CDK17: variants seen among roughly 807,000 people sequenced by gnomAD.
CDK17 encodes the protein cyclin dependent kinase 17, also known as cyclin-dependent kinase 17.
In CDK17, 24 loss-of-function variants were observed where a neutral mutation model predicts 77.6. The ratio of observed to expected loss-of-function variants is 0.31; its 90% confidence interval spans 0.22 to 0.44. The LOEUF is 0.44. Among genes scored for constraint, CDK17 ranks in the 20% least tolerant of loss-of-function variants. The probability of loss-of-function intolerance (pLI) is 1.00; values close to 1 mark genes in which losing one functional copy is unlikely to be tolerated. For synonymous variants in CDK17, 203 were observed against 210.4 expected (o/e 0.96, Z 0.30); for missense variants, 429 against 622.5 (o/e 0.69, Z 3.31).
chr12:96,355,855 T>C (rs144796329), intron 1 of CDK17, among the ~76,000 whole-genome samples: 16 of 152,326 alleles, frequency 1.1e-4, no homozygotes, highest in African/African-American at 3.8e-4. Flanking sequence ...AATGAAGGAA[T>C]GATAGCAAAT....
At chr12:96,306,883 TC>T (rs1242888056) in intron 5 of CDK17, among the ~76,000 whole-genome samples, 2 of 152,178 alleles carry the variant, frequency 1.3e-5, no homozygotes, top group African/African-American at 4.8e-5. Context: ...TTAATGTATT[TC>T]CAAAAAGTAT....
intron 13 of CDK17, 71 bp downstream of exon 13, chr12:96,285,972 T>C: frequency 2.6e-6 from 2 of 757,382 alleles, no homozygotes; most frequent in South Asian, 1.5e-5. Flanking sequence ...GAATCCTTAC[T>C]GTGGCTAATC....
chr12:96,317,909 C>A (rs1184811551), intron 3 of CDK17, among the ~76,000 whole-genome samples: 3 of 148,796 alleles, frequency 2.0e-5, no homozygotes, highest in Admixed American at 6.7e-5. Flanking sequence ...AAAATCACCA[C>A]CTAACATCAT....
At chr12:96,311,014 C>A (rs1435529689) in intron 5 of CDK17, 38 bp downstream of exon 5, 62 of 1,563,066 alleles carry the variant, frequency 4.0e-5, no homozygotes, top group Non-Finnish European at 5.2e-5. Flanking sequence ...ACAAGCAGAT[C>A]TGATTGATGG....
intron 5 of CDK17, among the ~76,000 whole-genome samples, chr12:96,308,731 A>AAATT (rs1366967712): frequency 2.0e-4 from 27 of 132,572 alleles, no homozygotes; most frequent in African/African-American, 7.1e-4. Flanking sequence ...CCGTCTCCAA[A>AAATT]AATAATAATA....
intron 11 of CDK17, among the ~76,000 whole-genome samples, chr12:96,288,695 G>A (rs758495500): frequency 2.6e-5 from 4 of 152,172 alleles, no homozygotes; most frequent in African/African-American, 4.8e-5. Context: ...TGTCAGGATC[G>A]AAGCGGTGTG....
chr12:96,384,567 T>C (rs922020540), intron 1 of CDK17, among the ~76,000 whole-genome samples: 4 of 152,220 alleles, frequency 2.6e-5, no homozygotes, highest in African/African-American at 7.2e-5. Flanking sequence ...CATGGAGTAC[T>C]GTATAGCCAT....
intron 3 of CDK17, among the ~76,000 whole-genome samples, chr12:96,317,505 C>T (rs1447527917): frequency 9.2e-6 from 1 of 108,860 alleles, no homozygotes. Flanking sequence ...GTCAGATTCA[C>T]CAAAGTTGAA....
chr12:96,329,110 T>C (rs1952932606), intron 2 of CDK17, among the ~76,000 whole-genome samples: 1 of 151,990 alleles, frequency 6.6e-6, no homozygotes, highest in African/African-American at 2.4e-5. Flanking sequence ...TCATAGACAG[T>C]AGAATGGTGG....
rs1199789275 is a variant in CDK17, at chr12:96,400,082, G to A, written c.-126C>T. ...CCCGCGGCGACCGGATGCAAGTCCGGGTCTCAGCGGCCGGCAGACGTGAGG... is the reference window on the plus strand; with the variant it reads ...CCCGCGGCGACCGGATGCAAGTCCGAGTCTCAGCGGCCGGCAGACGTGAGG... On this transcript the variant is annotated 5_prime_UTR_variant, in exon 1 of 17. Transcript: ENST00000261211. 7.7e-6 allele frequency: 3 copies of A among 390,690 alleles called. No individual in the cohort carries two copies. The highest frequency in any genetic ancestry group is 9.0e-6 in the Non-Finnish European group (2 of 221,120). 24.2% of individuals were successfully genotyped at this position (390,690 alleles called of 1,614,324 possible). A position where few individuals can be genotyped will look rare whatever the true frequency, so the allele number is the denominator to read the frequency against.
At chr12:96,325,465 G>GA (rs1394730844) in intron 2 of CDK17, among the ~76,000 whole-genome samples, 2 of 152,234 alleles carry the variant, frequency 1.3e-5, no homozygotes, top group Non-Finnish European at 2.9e-5. Flanking sequence ...TCTCTCACAA[G>GA]AAAATCTTAG....
rs1952157735 is a variant in CDK17 at position 96,280,211 on chromosome 12, G to T, written c.*31C>A. ...GAGTCCTTGATTGGTAAGAAAGGCT[G>T]GGGGCTGGGCTTGAAACCATGTTAT... On this transcript the variant is annotated 3_prime_UTR_variant, in exon 17 of 17. Coordinates refer to ENST00000261211, the MANE Select transcript of CDK17 (RefSeq NM_002595.5). 6.5e-7 allele frequency: 1 copy of T among 1,547,002 alleles called. No homozygotes were observed.
intron 10 of CDK17, among the ~76,000 whole-genome samples, chr12:96,292,928 C>T (rs979171689): frequency 2.6e-5 from 4 of 151,956 alleles, no homozygotes; most frequent in Non-Finnish European, 5.9e-5. Flanking sequence ...ATTAAGGGAA[C>T]GCCTTTCAGT....
intron 1 of CDK17, among the ~76,000 whole-genome samples, chr12:96,379,715 G>A (rs750468808): frequency 6.6e-6 from 1 of 152,148 alleles, no homozygotes; most frequent in Non-Finnish European, 1.5e-5. Context: ...ACAGCCATCA[G>A]CCACCGTGTC....
intron 3 of CDK17, among the ~76,000 whole-genome samples, chr12:96,314,975 A>G (rs1952691487): frequency 6.6e-6 from 1 of 152,174 alleles, no homozygotes; most frequent in Non-Finnish European, 1.5e-5. Context: ...ATGTGATTTT[A>G]TAAGATCCTT....
intron 4 of CDK17, among the ~76,000 whole-genome samples, chr12:96,312,623 G>C (rs573450446): frequency 8.6e-4 from 130 of 151,942 alleles, no homozygotes; most frequent in African/African-American, 3.1e-3. Context: ...CATCTCAACA[G>C]CACCAAAAAA....
intron 1 of CDK17, among the ~76,000 whole-genome samples, chr12:96,384,918 G>T (rs762010672): frequency 5.4e-4 from 81 of 150,222 alleles, no homozygotes; most frequent in Admixed American, 1.4e-3. Flanking sequence ...GCTGAGGTGG[G>T]AAAATCACTT....
intron 2 of CDK17, among the ~76,000 whole-genome samples, chr12:96,327,242 A>C (rs777195642): frequency 2.6e-5 from 4 of 152,190 alleles, no homozygotes; most frequent in Non-Finnish European, 5.9e-5. Flanking sequence ...TAATCTTTGT[A>C]ACTTCCTTTA....
At chr12:96,382,888 T>C (rs1397490407) in intron 1 of CDK17, among the ~76,000 whole-genome samples, 1 of 152,038 alleles carries the variant, frequency 6.6e-6, no homozygotes, top group Non-Finnish European at 1.5e-5. Flanking sequence ...TCACCACTCC[T>C]ATTCAACATA....
Sources: allele counts gnomAD v4.1 joint callset (sites outside exome capture counted in the v4.1 genomes callset), GRCh38; gene constraint gnomAD v4.1.1; transcripts MANE v1.5; gene names NCBI Gene and HGNC (gene_info 2026-07-23, HGNC 2026-07-21).